DIPK1A: variants seen among roughly 807,000 people sequenced by gnomAD.
DIPK1A encodes family with sequence similarity 69 member A.
DIPK1A carries 27 observed loss-of-function variants against 40.8 expected under a neutral mutation model. The observed-to-expected ratio is 0.66, with a 90% CI of 0.49 to 0.91. The LOEUF is 0.91. Among genes scored for constraint, DIPK1A ranks in the 40% least tolerant of loss-of-function variants. The probability of loss-of-function intolerance (pLI) is 0.00; values close to 1 mark genes in which losing one functional copy is unlikely to be tolerated. For synonymous variants in DIPK1A, 166 were observed against 171.3 expected (o/e 0.97, Z 0.24); for missense variants, 412 against 505.7 (o/e 0.81, Z 1.78).
At chr1:92,914,916 T>C (rs1204187503) in intron 1 of DIPK1A, among the ~76,000 whole-genome samples, 11 of 151,358 alleles carry the variant, frequency 7.3e-5, no homozygotes, top group Non-Finnish European at 1.6e-4. Context: ...TGAAACCCCA[T>C]CTCTACTAAA....
At chr1:92,840,008 ATTT>A (rs111307161), downstream of DIPK1A, among the ~76,000 whole-genome samples, 1 of 138,294 alleles carries the variant, frequency 7.2e-6, no homozygotes, top group Non-Finnish European at 1.6e-5. Context: ...TGCCCTGCTA[ATTT>A]TTTTTTTTTT....
intron 1 of DIPK1A, among the ~76,000 whole-genome samples, chr1:92,887,170 C>T (rs1188510950): frequency 2.7e-5 from 4 of 148,918 alleles, no homozygotes; most frequent in African/African-American, 9.9e-5. Flanking sequence ...GTAATTCCAG[C>T]ACTTTAGGAG....
intron 1 of DIPK1A, among the ~76,000 whole-genome samples, chr1:92,917,276 T>C (rs1650089840): frequency 1.3e-5 from 2 of 152,196 alleles, no homozygotes; most frequent in African/African-American, 4.8e-5. Flanking sequence ...TTTCCTTAAG[T>C]TGTTTCTCAA....
At chr1:92,932,438 C>T (rs1650789850) in intron 1 of DIPK1A, 1 of 150,436 alleles carries the variant, frequency 6.6e-6, no homozygotes, top group Non-Finnish European at 1.5e-5. Context: ...GAGACTCTGT[C>T]TCAAAAAAAA....
intron 4 of DIPK1A, chr1:92,836,941 A>G (rs574539576): frequency 4.3e-6 from 1 of 231,870 alleles, no homozygotes; most frequent in South Asian, 5.7e-5. Context: ...CTTCTTAGGA[A>G]TATTTTAGCA....
chr1:92,954,180 T>C (rs1057321965), intron 1 of DIPK1A, among the ~76,000 whole-genome samples: 5 of 152,008 alleles, frequency 3.3e-5, no homozygotes, highest in Non-Finnish European at 7.4e-5. Flanking sequence ...GAAATGAATA[T>C]GGCCAGACAT....
At position 92,909,116 on chromosome 1, in the gene DIPK1A, G is replaced by A. The variant is rs551829490; in HGVS notation, c.55-32686C>T. Among the ~76,000 whole-genome samples, 11 of 152,262 alleles carry A rather than the reference G, an allele frequency of 7.2e-5. No homozygotes were observed. In the East Asian group the frequency reaches 2.1e-3, roughly 29 times the overall value. The stretch of plus-strand genomic sequence containing the variant: ...TACCCACCACTAAATGTAAACAGAT[G>A]TCAACAGTTTGCTACACTAAAACTC... On this transcript the variant is annotated intron_variant, in intron 1 of 4. Coordinates refer to ENST00000370310, the MANE Select transcript of DIPK1A (RefSeq NM_001006605.5).
chr1:92,941,691 T>C (rs551590925), intron 1 of DIPK1A, among the ~76,000 whole-genome samples: 1 of 152,164 alleles, frequency 6.6e-6, no homozygotes, highest in Admixed American at 6.5e-5. Flanking sequence ...CAAGTGAAGG[T>C]GGGAAAGCAG....
At chr1:92,932,192 G>A in intron 1 of DIPK1A, 1 of 174,294 alleles carries the variant, frequency 5.7e-6, no homozygotes, top group Non-Finnish European at 1.3e-5. Context: ...TGTAATCCCA[G>A]CACTTTGGGA....
chr1:92,856,593 T>A (rs927878638), intron 2 of DIPK1A, among the ~76,000 whole-genome samples: 1 of 151,988 alleles, frequency 6.6e-6, no homozygotes, highest in African/African-American at 2.4e-5. Flanking sequence ...AATTTTGTAT[T>A]TTTAGTAGAG....
At chr1:92,886,355 T>A (rs954047465) in intron 1 of DIPK1A, among the ~76,000 whole-genome samples, 32 of 151,748 alleles carry the variant, frequency 2.1e-4, no homozygotes, top group Non-Finnish European at 4.4e-4. Flanking sequence ...ATTAAAAAAA[T>A]TTTCTTTTTA....
At chr1:92,954,329 A>T (rs1307539150) in intron 1 of DIPK1A, among the ~76,000 whole-genome samples, 1 of 150,782 alleles carries the variant, frequency 6.6e-6, no homozygotes, top group African/African-American at 2.4e-5. Flanking sequence ...TAAATAAAAG[A>T]AATGGATATG....
intron 1 of DIPK1A, among the ~76,000 whole-genome samples, chr1:92,943,825 C>G (rs184893071): frequency 6.6e-6 from 1 of 152,152 alleles, no homozygotes; most frequent in African/African-American, 2.4e-5. Flanking sequence ...ACACCAGTTA[C>G]CTAGTCCTTC....
At chr1:92,899,552 T>C (rs1332163562) in intron 1 of DIPK1A, among the ~76,000 whole-genome samples, 2 of 152,248 alleles carry the variant, frequency 1.3e-5, no homozygotes, top group African/African-American at 2.4e-5. Context: ...TCTTAAAGCT[T>C]ATTATTGATA....
At chr1:92,836,237 G>A in intron 4 of DIPK1A, 1 of 1,613,382 alleles carries the variant, frequency 6.2e-7, no homozygotes, top group Non-Finnish European at 8.5e-7. Flanking sequence ...GCCAAGTGGA[G>A]GTGACTGGTG....
chr1:92,854,066 T>C (rs1374074494), intron 2 of DIPK1A, among the ~76,000 whole-genome samples: 1 of 152,178 alleles, frequency 6.6e-6, no homozygotes, highest in Non-Finnish European at 1.5e-5. Flanking sequence ...TTTTAATTTT[T>C]TGTAGAGATG....
rs147871693 is a variant in DIPK1A at position 92,884,324 on chromosome 1, G to A, written c.55-7894C>T. ...AAAAATTAGCTGGGTGTGATGGCAC[G>A]TGCCTGTGATCCCAGCTACACAGGA... is the stretch of plus-strand genomic sequence containing the variant. On this transcript the variant is annotated intron_variant, in intron 1 of 4. Transcript: ENST00000370310. Among the ~76,000 whole-genome samples, 472 of 152,176 alleles carry A rather than the reference G, an allele frequency of 3.1e-3. 4 individuals are homozygous for A. The highest frequency in any genetic ancestry group is 0.011 in the African/African-American group (457 of 41,516).
Position 92,876,420 on chromosome 1 carries a change from G to T in DIPK1A, c.65C>A (p.Ser22Ter). Residue 22 changes from serine (S) to a stop codon, truncating the protein, a stop_gained, in exon 2 of 5, where the codon TCA becomes TAA. Coordinates refer to ENST00000370310, the MANE Select transcript of DIPK1A (RefSeq NM_001006605.5). LOFTEE classifies it high-confidence loss of function. Reference sequence around the variant, plus strand: ...GAAAAGATATTTCATCCGCACATATGAGAAGCGAGCCTGTGAGTAAAAAAG... The same window carrying T: ...GAAAAGATATTTCATCCGCACATATTAGAAGCGAGCCTGTGAGTAAAAAAG... ...RKPYYLQARF[S>*]YVRMKYLFFS... The T allele has an allele frequency of 6.2e-7, 1 of 1,611,722 alleles. No individual in the cohort carries two copies. Among genetic ancestry groups the T allele is most frequent in the South Asian group, 1.1e-5 (1 of 90,418 alleles).
intron 2 of DIPK1A, among the ~76,000 whole-genome samples, chr1:92,856,393 AG>A (rs1356615881): frequency 6.7e-6 from 1 of 149,680 alleles, no homozygotes; most frequent in South Asian, 2.1e-4. Context: ...ACTCTATAAA[AG>A]ATTAGTTTAT....
Sources: gnomAD v4.1 joint callset for allele counts (sites outside exome capture counted in the v4.1 genomes callset) on GRCh38, gnomAD v4.1.1 for gene constraint, MANE v1.5 for transcripts, NCBI Gene and HGNC (gene_info 2026-07-23, HGNC 2026-07-21) for gene names.